Variants in KAZN observed in about 807,000 individuals in gnomAD.
The protein encoded by KAZN is kazrin.
Under a neutral mutation model 87.4 loss-of-function variants are expected in KAZN, and 40 were observed. That is an observed-to-expected ratio of 0.46 (90% CI 0.36 to 0.60). KAZN has a LOEUF of 0.60. Ranked by LOEUF, KAZN falls within the 20% of genes least tolerant of loss-of-function variation. The pLI is 0.00. For missense variants in KAZN, 898 were observed against 1,073.9 expected, an observed-to-expected ratio of 0.84 and a Z score of 2.29; for synonymous variants, 466 against 458.3, an observed-to-expected ratio of 1.02 and a Z score of -0.22.
intron 2 of KAZN, among the ~76,000 whole-genome samples, chr1:15,016,145 A>G (rs1670072396): frequency 6.6e-6 from 1 of 152,154 alleles, no homozygotes; most frequent in Non-Finnish European, 1.5e-5. Flanking sequence ...GAGAAGACAG[A>G]GGCTGAGGTC....
In KAZN at chr1:14,676,727, A is replaced by G. The variant is rs145099560; in HGVS notation, c.226+77504A>G. ...GGCCATATATTGTATGATCCCATTTATATGAAATGTCCAGAACAGGCAAAT... is the reference window on the plus strand; with the variant it reads ...GGCCATATATTGTATGATCCCATTTGTATGAAATGTCCAGAACAGGCAAAT... On this transcript the variant is annotated intron_variant, in intron 1 of 14. Coordinates refer to ENST00000376030, the MANE Select transcript of KAZN (RefSeq NM_201628.3). 8.1e-3 allele frequency among the ~76,000 whole-genome samples: 1,241 copies of G among 152,342 alleles called. 22 individuals are homozygous for G. The highest frequency in any genetic ancestry group is 0.028 in the African/African-American group (1,165 of 41,576).
intron 1 of KAZN, among the ~76,000 whole-genome samples, chr1:13,930,405 C>T (rs1640463425): frequency 6.6e-6 from 1 of 152,194 alleles, no homozygotes; most frequent in Admixed American, 6.5e-5. Context: ...TAAGTGCTTC[C>T]TATAAGCCAT....
chr1:14,895,386 C>T (rs1476529674), intron 1 of KAZN, among the ~76,000 whole-genome samples: 7 of 152,240 alleles, frequency 4.6e-5, no homozygotes, highest in African/African-American at 1.7e-4. Context: ...GAGTCTGGAG[C>T]TGTCGCAGCC....
intron 1 of KAZN, among the ~76,000 whole-genome samples, chr1:14,905,911 G>A (rs910265277): frequency 2.2e-5 from 3 of 135,852 alleles, no homozygotes; most frequent in Non-Finnish European, 4.7e-5. Flanking sequence ...GCTCATGCCT[G>A]TAATCACAGC....
rs1464699356 is a variant in KAZN at position 13,932,562 on chromosome 1, AT to A, written c.91+38808del. ...GGCGTGAGCCACCGCGCCCGGCCTTATTAAACATATTAAATCCAGGAATTCT... is the reference window on the plus strand; with the variant it reads ...GGCGTGAGCCACCGCGCCCGGCCTTATAAACATATTAAATCCAGGAATTCT... On this transcript the variant is annotated intron_variant, in intron 1 of 16. Coordinates refer to the KAZN transcript ENST00000636203. Among the ~76,000 whole-genome samples, 3 of 152,054 alleles carry A rather than the reference AT, an allele frequency of 2.0e-5. No individual in the cohort carries two copies. In the East Asian group the frequency reaches 5.8e-4, roughly 29 times the overall value.
intron 1 of KAZN, among the ~76,000 whole-genome samples, chr1:14,893,521 G>A (rs888296248): frequency 3.9e-5 from 6 of 152,104 alleles, no homozygotes; most frequent in Non-Finnish European, 4.4e-5. Flanking sequence ...GAGGAAGAGC[G>A]CTCGCTGAGA....
chr1:14,339,110 G>A (rs1657493260), intron 2 of KAZN, among the ~76,000 whole-genome samples: 1 of 152,166 alleles, frequency 6.6e-6, no homozygotes, highest in African/African-American at 2.4e-5. Flanking sequence ...GAGACTGAGA[G>A]AGAGACAGAG....
At chr1:14,963,715 G>T (rs550341564) in intron 2 of KAZN, among the ~76,000 whole-genome samples, 1 of 152,270 alleles carries the variant, frequency 6.6e-6, no homozygotes, top group East Asian at 1.9e-4. Flanking sequence ...ATGGTGGTTT[G>T]CTGCACCTGT....
intron 4 of KAZN, among the ~76,000 whole-genome samples, chr1:15,052,129 A>G (rs1674471138): frequency 1.3e-5 from 2 of 152,146 alleles, no homozygotes; most frequent in East Asian, 1.9e-4. Flanking sequence ...GATCTAATGC[A>G]TGTGTGTGTG....
At chr1:14,740,873 C>T (rs1435348671) in intron 1 of KAZN, among the ~76,000 whole-genome samples, 2 of 152,188 alleles carry the variant, frequency 1.3e-5, no homozygotes, top group Non-Finnish European at 2.9e-5. Context: ...AATAACAGGG[C>T]ATTTGGAAAT....
intron 2 of KAZN, among the ~76,000 whole-genome samples, chr1:14,285,531 G>A (rs1191216137): frequency 6.6e-6 from 1 of 152,194 alleles, no homozygotes; most frequent in African/African-American, 2.4e-5. Flanking sequence ...TGCAGTGTTT[G>A]TCTTCTTTGC....
chr1:14,174,497 G>A (rs569768503), intron 1 of KAZN, among the ~76,000 whole-genome samples: 4 of 152,276 alleles, frequency 2.6e-5, no homozygotes, highest in Admixed American at 2.6e-4. Context: ...GATTATACAA[G>A]GCAGGCTCTA....
chr1:14,554,393 G>A (rs1673734294), intron 2 of KAZN, among the ~76,000 whole-genome samples: 1 of 152,090 alleles, frequency 6.6e-6, no homozygotes, highest in African/African-American at 2.4e-5. Context: ...GAGGCCTTGG[G>A]TTCACACCCA....
chr1:15,086,162 G>A (rs1640245263), intron 8 of KAZN, among the ~76,000 whole-genome samples: 1 of 152,072 alleles, frequency 6.6e-6, no homozygotes. Flanking sequence ...GTAGAGACGG[G>A]GTTTCACCAT....
At chr1:14,013,942 A>T (rs1278962844) in intron 1 of KAZN, among the ~76,000 whole-genome samples, 1 of 152,162 alleles carries the variant, frequency 6.6e-6, no homozygotes, top group Non-Finnish European at 1.5e-5. Flanking sequence ...TCTGATTTGA[A>T]TGTGACCCTT....
At chr1:14,612,085 G>T (rs545667670) in intron 1 of KAZN, among the ~76,000 whole-genome samples, 1 of 152,118 alleles carries the variant, frequency 6.6e-6, no homozygotes, top group African/African-American at 2.4e-5. Context: ...GACCCAGCTC[G>T]ACACACAGGA....
At chr1:14,280,006 C>A (rs940516607) in intron 2 of KAZN, among the ~76,000 whole-genome samples, 11 of 152,210 alleles carry the variant, frequency 7.2e-5, no homozygotes, top group Non-Finnish European at 1.3e-4. Flanking sequence ...AAAATCCTAA[C>A]CTACAGTGTC....
intron 1 of KAZN, chr1:14,924,344 G>T: frequency 1.0e-6 from 1 of 988,194 alleles, no homozygotes; most frequent in Non-Finnish European, 1.2e-6. Context: ...GCCGCTGGTA[G>T]CGTCCCCCCG....
intron 1 of KAZN, among the ~76,000 whole-genome samples, chr1:14,864,418 C>G (rs1651216466): frequency 1.3e-5 from 2 of 152,114 alleles, no homozygotes; most frequent in Admixed American, 1.3e-4. Flanking sequence ...CAAAAATTAG[C>G]TGGACGTGGG....
Sources: gnomAD v4.1 joint callset for allele counts (sites outside exome capture counted in the v4.1 genomes callset) on GRCh38, gnomAD v4.1.1 for gene constraint, MANE v1.5 for transcripts, NCBI Gene and HGNC (gene_info 2026-07-23, HGNC 2026-07-21) for gene names.